The following SOS2 variants were observed in gnomAD, a reference collection of about 807,000 sequenced individuals.
The protein encoded by SOS2 is SOS Ras/Rho guanine nucleotide exchange factor 2.
In SOS2, 65 loss-of-function variants were observed where a neutral mutation model predicts 148.2. The observed-to-expected ratio is 0.44, with a 90% confidence interval of 0.36 to 0.54. The LOEUF is 0.54. Ranked by LOEUF, SOS2 falls within the 20% of genes least tolerant of loss-of-function variation. SOS2 has a pLI of 0.00. For synonymous variants in SOS2, 539 were observed against 537.1 expected (o/e 1.00, Z -0.05); for missense variants, 1,341 against 1,590.2 (o/e 0.84, Z 2.67).
chr14:50,211,664 C>A (rs1886876244), intron 1 of SOS2, among the ~76,000 whole-genome samples: 1 of 151,544 alleles, frequency 6.6e-6, no homozygotes, highest in Admixed American at 6.6e-5. Flanking sequence ...CGCTGTGTTG[C>A]CCAGGCTGGC....
intron 14 of SOS2, 61 bp downstream of exon 14, chr14:50,149,947 G>A (rs1430774545): frequency 8.4e-7 from 1 of 1,191,682 alleles, no homozygotes; most frequent in Non-Finnish European, 1.2e-6. Flanking sequence ...AAAATGTTTT[G>A]AAAATAGGTA....
chr14:50,218,008 A>G (rs1178991284), intron 1 of SOS2, among the ~76,000 whole-genome samples: 3 of 151,618 alleles, frequency 2.0e-5, no homozygotes, highest in South Asian at 2.1e-4. Context: ...TCTCCAAAAG[A>G]TAGTATAGGC....
intron 7 of SOS2, among the ~76,000 whole-genome samples, chr14:50,177,663 A>C (rs1005961767): frequency 2.0e-5 from 3 of 152,200 alleles, no homozygotes; most frequent in Non-Finnish European, 4.4e-5. Context: ...TATATGAGTT[A>C]ACTTTAAAAA....
chr14:50,198,160 T>C (rs141556039), intron 4 of SOS2, among the ~76,000 whole-genome samples: 128 of 152,236 alleles, frequency 8.4e-4, no homozygotes, highest in Middle Eastern at 3.4e-3. Flanking sequence ...TGTTTGAAAG[T>C]TAGATGGTAT....
intron 14 of SOS2, 126 bp downstream of exon 14, chr14:50,149,882 C>T: frequency 2.9e-6 from 2 of 697,268 alleles, no homozygotes; most frequent in Admixed American, 4.8e-5. Flanking sequence ...TATGACCTTT[C>T]CTCTAAGCCC....
intron 1 of SOS2, among the ~76,000 whole-genome samples, chr14:50,205,924 AT>A (rs1886646217): frequency 6.6e-6 from 1 of 151,468 alleles, no homozygotes; most frequent in South Asian, 2.1e-4. Flanking sequence ...AAAAAAAAAA[AT>A]AGCATAAAAT....
intron 7 of SOS2, among the ~76,000 whole-genome samples, chr14:50,178,727 C>T (rs77628189): frequency 0.031 from 154 of 4,974 alleles, 1 homozygote; most frequent in East Asian, 0.15. Context: ...CATATACACA[C>T]ACATATATAT....
intron 14 of SOS2, among the ~76,000 whole-genome samples, 182 bp from the exon 15 acceptor site, chr14:50,145,778 A>C (rs1884447303): frequency 6.6e-6 from 1 of 152,170 alleles, no homozygotes; most frequent in African/African-American, 2.4e-5. Context: ...TTTATCCCTT[A>C]CTCAGGGAAA....
intron 4 of SOS2, among the ~76,000 whole-genome samples, chr14:50,194,439 T>G (rs1362274234): frequency 6.7e-6 from 1 of 149,538 alleles, no homozygotes; most frequent in East Asian, 2.0e-4. Flanking sequence ...TCATTTCTTA[T>G]ATAATCCCTT....
intron 4 of SOS2, among the ~76,000 whole-genome samples, chr14:50,198,221 G>T (rs1022362295): frequency 6.6e-5 from 10 of 151,938 alleles, no homozygotes; most frequent in Non-Finnish European, 1.3e-4. Context: ...GTCATACTGT[G>T]GTAATGTAGC....
At chr14:50,226,842 T>C (rs1001268593) in intron 1 of SOS2, among the ~76,000 whole-genome samples, 1 of 152,230 alleles carries the variant, frequency 6.6e-6, no homozygotes, top group Non-Finnish European at 1.5e-5. Flanking sequence ...TGAAGAATGC[T>C]GATTTATCTC....
intron 8 of SOS2, among the ~76,000 whole-genome samples, chr14:50,167,318 A>G (rs1455349634): frequency 6.6e-6 from 1 of 151,934 alleles, no homozygotes; most frequent in Middle Eastern, 3.2e-3. Context: ...CACACACAAA[A>G]AGAATGACAA....
intron 7 of SOS2, 97 bp downstream of exon 7, chr14:50,180,475 G>A: frequency 1.6e-6 from 1 of 613,424 alleles, no homozygotes; most frequent in Non-Finnish European, 2.8e-6. Context: ...AGGATTACGA[G>A]GATTCCAGAA....
intron 14 of SOS2, among the ~76,000 whole-genome samples, chr14:50,148,609 C>A (rs1021687821): frequency 1.3e-5 from 2 of 152,044 alleles, no homozygotes; most frequent in African/African-American, 4.8e-5. Flanking sequence ...TTCATTTCTA[C>A]GTATCACAAA....
intron 1 of SOS2, among the ~76,000 whole-genome samples, chr14:50,209,556 C>A (rs903209579): frequency 5.3e-5 from 8 of 151,926 alleles, no homozygotes; most frequent in African/African-American, 9.7e-5. Context: ...CGCTCGAGCC[C>A]AGGAGTTCAA....
chr14:50,220,405 C>CAA lies in SOS2; in HGVS notation c.87+10790_87+10791dup, dbSNP rs367829144. On this transcript the variant is annotated intron_variant, in intron 1 of 22. Coordinates refer to ENST00000216373, the MANE Select transcript of SOS2 (RefSeq NM_006939.4). ...TGGGCGACAGAGCGAGACTCCATCT[C>CAA]AAAAAAAAAAAAAAAAAGAACAGAC... Among the ~76,000 whole-genome samples the CAA allele has an allele frequency of 6.1e-3, 187 of 30,446 alleles. 14 individuals carry two copies. Among genetic ancestry groups the CAA allele is most frequent in the African/African-American group, 0.024 (168 of 6,924 alleles). 20.0% of individuals were successfully genotyped at this position (30,446 alleles called of 152,430 possible).
chr14:50,120,760 G>C (rs1283015269), intron 21 of SOS2, among the ~76,000 whole-genome samples: 2 of 74,522 alleles, frequency 2.7e-5, no homozygotes, highest in Non-Finnish European at 5.0e-5. Flanking sequence ...TTTTTTTTGA[G>C]ACGGAGTCCC....
At chr14:50,129,334 T>C (rs1346759738) in intron 21 of SOS2, among the ~76,000 whole-genome samples, 2 of 152,192 alleles carry the variant, frequency 1.3e-5, no homozygotes, top group Non-Finnish European at 2.9e-5. Context: ...GAAATTACTA[T>C]TCATTCTATG....
intron 1 of SOS2, among the ~76,000 whole-genome samples, chr14:50,227,516 C>A (rs1455235986): frequency 6.6e-6 from 1 of 151,598 alleles, no homozygotes; most frequent in Non-Finnish European, 1.5e-5. Context: ...TGGGTTCATA[C>A]CATTCTCCTG....
Sources: gnomAD v4.1 joint callset for allele counts (sites outside exome capture counted in the v4.1 genomes callset) on GRCh38, gnomAD v4.1.1 for gene constraint, MANE v1.5 for transcripts, NCBI Gene and HGNC (gene_info 2026-07-23, HGNC 2026-07-21) for gene names.